NECAB2: variants seen among roughly 807,000 people sequenced by gnomAD.
The protein encoded by NECAB2 is N-terminal EF-hand calcium binding protein 2, also known as N-terminal EF-hand calcium-binding protein 2.
In NECAB2, 68 loss-of-function variants were observed where a neutral mutation model predicts 51.9. The observed-to-expected ratio is 1.31, with a 90% CI of 1.08 to 1.60. The LOEUF (loss-of-function observed/expected upper bound fraction) is 1.60. NECAB2 is among the 40% of genes most tolerant of loss of function. The probability of loss-of-function intolerance (pLI) is 0.00; values close to 1 mark genes in which losing one functional copy is unlikely to be tolerated. For synonymous variants in NECAB2, 329 were observed against 203.5 expected, an observed-to-expected ratio of 1.62 and a Z score of -5.25; for missense variants, 854 against 490.3, an observed-to-expected ratio of 1.74 and a Z score of -7.00.
At chr16:84,002,062 A>ACCTCAGGGCTG in intron 12 of NECAB2, 146 bp downstream of exon 12, 2 of 1,070,368 alleles carry the variant, frequency 1.9e-6, no homozygotes, top group Non-Finnish European at 2.8e-6. Flanking sequence ...GCTCAGAGCC[A>ACCTCAGGGCTG]GCCCTGAGGT....
intron 10 of NECAB2, among the ~76,000 whole-genome samples, chr16:83,999,552 T>A (rs959666020): frequency 8.5e-5 from 13 of 152,082 alleles, no homozygotes; most frequent in East Asian, 7.7e-4. Flanking sequence ...GGCCCCTTCC[T>A]CTAGGCTGAG....
intron 1 of NECAB2, among the ~76,000 whole-genome samples, chr16:83,969,622 C>G (rs2084327360): frequency 6.6e-6 from 1 of 152,112 alleles, no homozygotes; most frequent in African/African-American, 2.4e-5. Flanking sequence ...GGAAGCCCAC[C>G]TCACCCTCCC....
chr16:84,000,741 T>TCTCAGATGGCTTCACCTTTG lies in NECAB2; in HGVS notation c.981_1000dup (p.Val334AlafsTer39). The TCTCAGATGGCTTCACCTTTG allele has an allele frequency of 6.2e-7, 1 of 1,613,806 alleles. No homozygotes were observed. The highest frequency in any genetic ancestry group is 8.5e-7 in the Non-Finnish European group (1 of 1,179,942). On this transcript the variant is annotated frameshift_variant, in exon 11 of 13. Transcript: ENST00000305202. LOFTEE classifies it high-confidence loss of function. ...TGTTGCAGCATCACTGCCGTGAGGC[T>TCTCAGATGGCTTCACCTTTG]CTCAGATGGCTTCACCTTTGTCATC... is the stretch of plus-strand genomic sequence containing the variant.
chr16:83,987,194 A>G (rs1010482209), intron 5 of NECAB2, among the ~76,000 whole-genome samples: 21 of 152,146 alleles, frequency 1.4e-4, no homozygotes, highest in African/African-American at 4.8e-4. Flanking sequence ...ACTTAGAAAA[A>G]CAAGAAACCC....
chr16:84,002,534 TGTG>T lies in NECAB2; in HGVS notation c.*189_*191del. On this transcript the variant is annotated 3_prime_UTR_variant, in exon 13 of 13. Transcript: ENST00000305202. Reference sequence around the variant, plus strand: ...CCACCTGAGAAGGCAGAGCAGTGTCTGTGCTGCCAGGTCCTGGTGAAGCCCAAG... The same window carrying T: ...CCACCTGAGAAGGCAGAGCAGTGTCTCTGCCAGGTCCTGGTGAAGCCCAAG... 1 of 732,426 alleles carries T rather than the reference TGTG, an allele frequency of 1.4e-6. No homozygotes were observed. Among genetic ancestry groups the T allele is most frequent in the Non-Finnish European group, 2.2e-6 (1 of 444,674 alleles). 45.4% of individuals were successfully genotyped at this position (732,426 alleles called of 1,614,324 possible).
At chr16:83,991,574 C>T (rs867008617) in intron 6 of NECAB2, among the ~76,000 whole-genome samples, 1 of 151,782 alleles carries the variant, frequency 6.6e-6, no homozygotes. Flanking sequence ...ACCATGTTGG[C>T]CAGGCTGGTC....
chr16:83,965,790 C>G, upstream of NECAB2: 1 of 1,613,126 alleles, frequency 6.2e-7, no homozygotes, highest in Non-Finnish European at 8.5e-7. Context: ...TCCTTCCTGC[C>G]TGGGGCAGGG....
chr16:83,980,754 A>ATG (rs2084476510), intron 3 of NECAB2, 85 bp from the exon 4 acceptor site: 4 of 1,490,296 alleles, frequency 2.7e-6, no homozygotes, highest in Non-Finnish European at 2.7e-6. Context: ...AGCAGGCAGG[A>ATG]TGTGTGTTTC....
chr16:83,990,539 C>A lies in NECAB2; in HGVS notation c.505C>A (p.Leu169Ile). ...SNVDQFVTRF[L>I]LKETANQIQS... ...CGTGGACCAGTTTGTGACCCGCTTC[C>A]TCCTGAAGGAGACGGCCAATCAGAT... Residue 169 changes from leucine to isoleucine, a missense_variant, in exon 6 of 13, where the codon CTC becomes ATC. Transcript: ENST00000305202. 6.2e-7 allele frequency: 1 copy of A among 1,614,178 alleles called. No individual in the cohort carries two copies. Among genetic ancestry groups the A allele is most frequent in the Non-Finnish European group, 8.5e-7 (1 of 1,180,046 alleles).
intron 2 of NECAB2, among the ~76,000 whole-genome samples, chr16:83,975,723 C>G (rs926018162): frequency 6.6e-6 from 1 of 152,104 alleles, no homozygotes; most frequent in African/African-American, 2.4e-5. Flanking sequence ...ACAGCATTTC[C>G]CTTCAGGGAC....
At chr16:83,966,286 C>A, upstream of NECAB2, 1 of 484,268 alleles carries the variant, frequency 2.1e-6, no homozygotes, top group Non-Finnish European at 3.6e-6. Context: ...ACCTGCAGCC[C>A]TGCGCCTTCC....
At chr16:83,987,536 G>T (rs114737707) in intron 5 of NECAB2, among the ~76,000 whole-genome samples, 469 of 152,210 alleles carry the variant, frequency 3.1e-3, no homozygotes, top group African/African-American at 0.011. Context: ...TAACATTTTA[G>T]CCTTTTTTTA....
intron 5 of NECAB2, among the ~76,000 whole-genome samples, chr16:83,984,940 T>A (rs1169893398): frequency 6.6e-6 from 1 of 152,216 alleles, no homozygotes; most frequent in Non-Finnish European, 1.5e-5. Flanking sequence ...CTTATAACTT[T>A]AGGTTTGTTG....
chr16:83,965,244 G>C, upstream of NECAB2: 1 of 1,612,146 alleles, frequency 6.2e-7, no homozygotes, highest in Non-Finnish European at 8.5e-7. Context: ...CAGGTGAGCG[G>C]CTTCCTGACC....
intron 8 of NECAB2, among the ~76,000 whole-genome samples, chr16:83,995,766 G>A (rs2084689484): frequency 6.6e-6 from 1 of 152,202 alleles, no homozygotes; most frequent in African/African-American, 2.4e-5. Context: ...GGCTGACGTG[G>A]AATGAAGTCC....
At chr16:83,979,701 GGGA>G (rs2084460047) in intron 3 of NECAB2, among the ~76,000 whole-genome samples, 1 of 151,930 alleles carries the variant, frequency 6.6e-6, no homozygotes, top group South Asian at 2.1e-4. Flanking sequence ...TGGAGGCGGA[GGGA>G]GGAGGAGGCA....
chr16:83,993,144 C>G (rs1006217891), intron 6 of NECAB2, among the ~76,000 whole-genome samples: 13 of 152,192 alleles, frequency 8.5e-5, no homozygotes, highest in African/African-American at 3.1e-4. Flanking sequence ...GGCTGTGGGT[C>G]CCTGAGGACT....
At chr16:83,978,361 G>C in intron 2 of NECAB2, 83 bp from the exon 3 acceptor site, 1 of 1,074,384 alleles carries the variant, frequency 9.3e-7, no homozygotes, top group East Asian at 2.4e-5. Context: ...GCCATTGACT[G>C]GATTTGGGGG....
intron 5 of NECAB2, among the ~76,000 whole-genome samples, chr16:83,983,783 G>T (rs1484752582): frequency 6.6e-6 from 1 of 152,098 alleles, no homozygotes; most frequent in African/African-American, 2.4e-5. Flanking sequence ...GCTTGGGAAT[G>T]ATTTTGTGAA....
Sources: gnomAD v4.1 joint callset for allele counts (sites outside exome capture counted in the v4.1 genomes callset) on GRCh38, gnomAD v4.1.1 for gene constraint, MANE v1.5 for transcripts, NCBI Gene and HGNC (gene_info 2026-07-23, HGNC 2026-07-21) for gene names.